Variants in ITGA1 observed in about 807,000 individuals in gnomAD.
ITGA1 encodes the protein integrin alpha-1.
Under a neutral mutation model 145.9 loss-of-function variants are expected in ITGA1, and 85 were observed. That is an observed-to-expected ratio of 0.58 (90% CI 0.49 to 0.70). ITGA1 has a LOEUF of 0.70. Ranked by LOEUF, ITGA1 falls within the 30% of genes least tolerant of loss-of-function variation. The probability of loss-of-function intolerance (pLI) is 0.00; values close to 1 mark genes in which losing one functional copy is unlikely to be tolerated. For synonymous variants in ITGA1, 520 were observed against 495.3 expected (o/e 1.05, Z -0.66); for missense variants, 1,351 against 1,418.7 (o/e 0.95, Z 0.77).
intron 16 of ITGA1, among the ~76,000 whole-genome samples, chr5:52,919,571 T>A (rs1750701508): frequency 6.6e-6 from 1 of 152,164 alleles, no homozygotes; most frequent in Non-Finnish European, 1.5e-5. Context: ...ACAAGCAGAA[T>A]GAGAAAAGCC....
At chr5:52,852,163 G>A (rs1749440556) in intron 2 of ITGA1, among the ~76,000 whole-genome samples, 1 of 152,150 alleles carries the variant, frequency 6.6e-6, no homozygotes. Context: ...TGAGGTGAGT[G>A]TGTTGGTAAG....
intron 24 of ITGA1, 67 bp downstream of exon 24, chr5:52,937,581 T>C: frequency 1.1e-6 from 1 of 947,276 alleles, no homozygotes; most frequent in Non-Finnish European, 1.7e-6. Context: ...TTAAGCCTTT[T>C]GTTCTGCATG....
At chr5:52,794,896 A>G (rs546031156) in intron 1 of ITGA1, among the ~76,000 whole-genome samples, 1 of 152,080 alleles carries the variant, frequency 6.6e-6, no homozygotes, top group Admixed American at 6.6e-5. Flanking sequence ...CATGTATAAT[A>G]AAACTAATTG....
chr5:52,804,692 C>T (rs1327997628), intron 1 of ITGA1, among the ~76,000 whole-genome samples: 1 of 152,080 alleles, frequency 6.6e-6, no homozygotes, highest in African/African-American at 2.4e-5. Context: ...TCCTAAGCAA[C>T]CAAGTATACA....
intron 1 of ITGA1, among the ~76,000 whole-genome samples, chr5:52,812,851 T>C (rs1748704825): frequency 1.5e-5 from 2 of 132,562 alleles, no homozygotes; most frequent in African/African-American, 5.8e-5. Flanking sequence ...AGATCAGCCA[T>C]GGAAATATGA....
At chr5:52,938,593 G>C (rs897131323) in intron 24 of ITGA1, among the ~76,000 whole-genome samples, 4 of 152,152 alleles carry the variant, frequency 2.6e-5, no homozygotes, top group African/African-American at 9.7e-5. Flanking sequence ...AAAAAAAATT[G>C]TACTTTTCAT....
At chr5:52,818,114 G>C (rs889977136) in intron 1 of ITGA1, among the ~76,000 whole-genome samples, 6 of 152,002 alleles carry the variant, frequency 3.9e-5, no homozygotes, top group Admixed American at 3.9e-4. Flanking sequence ...TTACAAACTG[G>C]GCATAATTAA....
intron 14 of ITGA1, 122 bp downstream of exon 14, chr5:52,910,541 T>A: frequency 2.0e-6 from 2 of 1,006,086 alleles, no homozygotes; most frequent in Middle Eastern, 3.1e-4. Context: ...GGAAACTGGA[T>A]TTAATTCTCT....
intron 14 of ITGA1, among the ~76,000 whole-genome samples, chr5:52,913,042 G>A (rs1314279692): frequency 6.6e-6 from 1 of 151,730 alleles, no homozygotes; most frequent in African/African-American, 2.4e-5. Flanking sequence ...CACCGTGCCT[G>A]GCCGTAATTA....
chr5:52,842,200 A>T (rs1749264865), intron 1 of ITGA1, among the ~76,000 whole-genome samples: 1 of 152,184 alleles, frequency 6.6e-6, no homozygotes. Flanking sequence ...GATATGCATC[A>T]TGTTTTGAGC....
intron 9 of ITGA1, among the ~76,000 whole-genome samples, chr5:52,897,159 T>C (rs570004850): frequency 9.2e-5 from 14 of 152,222 alleles, no homozygotes; most frequent in African/African-American, 2.4e-4. Context: ...CAAAGCACCA[T>C]AGGATCCACA....
intron 1 of ITGA1, among the ~76,000 whole-genome samples, chr5:52,818,195 G>A (rs1162754584): frequency 6.6e-6 from 1 of 151,994 alleles, no homozygotes; most frequent in Non-Finnish European, 1.5e-5. Flanking sequence ...CACAACTGTA[G>A]TACATACATC....
Position 52,863,475 on chromosome 5 carries a change from G to A in ITGA1, c.296-1288G>A, listed in dbSNP as rs374929250. Among the ~76,000 whole-genome samples, 638 of 152,056 alleles carry A rather than the reference G, an allele frequency of 4.2e-3. 5 individuals carry two copies. Among genetic ancestry groups the A allele is most frequent in the African/African-American group, 0.015 (616 of 41,468 alleles). On this transcript the variant is annotated intron_variant, in intron 3 of 28. Transcript: ENST00000282588. ...ACTGACCAGGGCCTTCCCTAGGTTG[G>A]GGGTGGGTTAGGGGTGGGGGACAAA...
Position 52,952,514 on chromosome 5 carries a change from T to A in ITGA1, c.*63T>A. 1.4e-6 allele frequency: 1 copy of A among 718,978 alleles called. No individual in the cohort carries two copies. The highest frequency in any genetic ancestry group is 2.3e-6 in the Non-Finnish European group (1 of 444,306). The allele number at this position is 718,978 out of a possible 1,614,324, so 44.5% of individuals were successfully genotyped here. A position where few individuals can be genotyped will look rare whatever the true frequency, so the allele number is the denominator to read the frequency against. ...AATCTATCCTCAGGTTTGCCTCAAA[T>A]ATGTGACAAGAAATGTATAATTCAT... is the stretch of plus-strand genomic sequence containing the variant. On this transcript the variant is annotated 3_prime_UTR_variant, in exon 29 of 29. Transcript: ENST00000282588.
chr5:52,790,148 T>C (rs1580017424), intron 1 of ITGA1, among the ~76,000 whole-genome samples: 1 of 152,194 alleles, frequency 6.6e-6, no homozygotes. Context: ...TCACCATACT[T>C]ATCCATGCAC....
At position 52,920,380 on chromosome 5, in the gene ITGA1, G is replaced by A. The variant is rs754328157; in HGVS notation, c.2204G>A (p.Ser735Asn). 1.2e-6 allele frequency: 2 copies of A among 1,611,908 alleles called. No homozygotes were observed. The highest frequency in any genetic ancestry group is 2.2e-5 in the South Asian group (2 of 90,706). ...GATTCACTAAGACAAATATCACGAA[G>A]TTTTTTCTCTGGAACTCAAGAGAGA... Reference protein sequence around the residue: ...TLDSLRQISRSFFSGTQERKV... With the variant: ...TLDSLRQISRNFFSGTQERKV... Residue 735 changes from serine to asparagine, a missense_variant, in exon 17 of 29, where the codon AGT becomes AAT. Transcript: ENST00000282588.
At position 52,898,328 on chromosome 5, in the gene ITGA1, C is replaced by T. The variant is rs761481610; in HGVS notation, c.1254C>T (p.Asn418=). The T allele has an allele frequency of 6.2e-7, 1 of 1,611,294 alleles. No individual in the cohort carries two copies. The highest frequency in any genetic ancestry group is 2.2e-5 in the East Asian group (1 of 44,830). Residue 418 remains asparagine, a synonymous_variant, in exon 11 of 29, where the codon AAC becomes AAT. Transcript: ENST00000282588. ...CTAGTCAAATCATAATCCCTCGAAACACAACCTTTAATGTTGAGTCTACCA... is the reference window on the plus strand; with the variant it reads ...CTAGTCAAATCATAATCCCTCGAAATACAACCTTTAATGTTGAGTCTACCA... ...QKASQIIIPR[N]TTFNVESTKK...
intron 27 of ITGA1, among the ~76,000 whole-genome samples, chr5:52,945,952 T>A (rs1751130341): frequency 6.6e-6 from 1 of 152,224 alleles, no homozygotes; most frequent in Admixed American, 6.5e-5. Context: ...AGCCAACATT[T>A]CACTAAAACC....
rs2111814767 is a variant in ITGA1 at position 52,887,883 on chromosome 5, A to G, written c.842A>G (p.Asp281Gly). Residue 281 changes from aspartate to glycine, a missense_variant, in exon 8 of 29, where the codon GAT becomes GGT. Transcript: ENST00000282588. ...AAAAAAGTCATGGTTATTGTGACAG[A>G]TGGAGAGTCTCATGACAATCATCGA... ...GVKKVMVIVT[D>G]GESHDNHRLK... The G allele has an allele frequency of 6.2e-7, 1 of 1,614,136 alleles. No individual in the cohort carries two copies. Among genetic ancestry groups the G allele is most frequent in the East Asian group, 2.2e-5 (1 of 44,884 alleles).
Sources: allele counts gnomAD v4.1 joint callset (sites outside exome capture counted in the v4.1 genomes callset), GRCh38; gene constraint gnomAD v4.1.1; transcripts MANE v1.5; gene names NCBI Gene and HGNC (gene_info 2026-07-23, HGNC 2026-07-21).